MED12L: variants seen among roughly 807,000 people sequenced by gnomAD.
MED12L encodes mediator of RNA polymerase II transcription subunit 12-like protein.
A neutral mutation model predicts 281.3 loss-of-function variants in MED12L; 60 were observed. The ratio of observed to expected loss-of-function variants is 0.21; its 90% CI spans 0.17 to 0.26. The LOEUF is 0.26. Among genes scored for constraint, MED12L ranks in the 10% least tolerant of loss-of-function variants. The pLI, the probability that MED12L is intolerant of heterozygous loss-of-function variation, is 1.00. For missense variants in MED12L, 2,146 were observed against 2,680.9 expected (o/e 0.80, Z 4.41); for synonymous variants, 974 against 987.2 (o/e 0.99, Z 0.25).
chr3:151,408,111 TCATGGCACTGCCAGGTCTTGCTGGGCA>T (rs1400653945), intron 39 of MED12L, among the ~76,000 whole-genome samples: 1 of 152,194 alleles, frequency 6.6e-6, no homozygotes, highest in Non-Finnish European at 1.5e-5. Context: ...GGAGTTTAGA[TCATGGCACTGCCAGGTCTTGCTGGGCA>T]AGTTTGCTAA....
chr3:151,367,881 T>C, intron 24 of MED12L, 115 bp downstream of exon 24: 1 of 1,211,092 alleles, frequency 8.3e-7, no homozygotes, highest in Non-Finnish European at 1.2e-6. Context: ...TGGGAAGTGG[T>C]GTAGTATCAA....
intron 38 of MED12L, among the ~76,000 whole-genome samples, chr3:151,392,970 A>G (rs1560118984): frequency 6.6e-6 from 1 of 152,232 alleles, no homozygotes; most frequent in Non-Finnish European, 1.5e-5. Flanking sequence ...ATAATTCTTA[A>G]CACGTAATAT....
In MED12L at chr3:151,411,422, A is replaced by G. The variant is rs769146332; in HGVS notation, c.6055A>G (p.Arg2019Gly). ...AAHSNPVLME[R>G]LRQIQQQPSG... The stretch of plus-strand genomic sequence containing the variant: ...ACATTCCAACCCCGTGCTAATGGAA[A>G]GACTCAGACAGATTCAGCAGCAGCC... Residue 2019 changes from arginine (R) to glycine (G), a missense_variant, in exon 41 of 45, where the codon AGA becomes GGA. Transcript: ENST00000687756. 16 of 1,614,078 alleles carry G rather than the reference A, an allele frequency of 9.9e-6. No homozygotes were observed. Among genetic ancestry groups the G allele is most frequent in the Non-Finnish European group, 1.4e-5 (16 of 1,180,040 alleles).
intron 23 of MED12L, among the ~76,000 whole-genome samples, chr3:151,367,251 A>G (rs745382690): frequency 1.3e-5 from 2 of 152,224 alleles, no homozygotes; most frequent in Non-Finnish European, 2.9e-5. Context: ...TTGTTTTTCA[A>G]CTAGGGGGAG....
At chr3:151,241,174 T>TG (rs1447086016) in intron 16 of MED12L, among the ~76,000 whole-genome samples, 10 of 152,232 alleles carry the variant, frequency 6.6e-5, no homozygotes, top group Non-Finnish European at 1.0e-4. Flanking sequence ...CCTTGCCCTT[T>TG]GGCATCTGGG....
At chr3:151,352,439 G>A (rs1338810854) in intron 17 of MED12L, among the ~76,000 whole-genome samples, 2 of 152,136 alleles carry the variant, frequency 1.3e-5, no homozygotes, top group African/African-American at 2.4e-5. Context: ...GGGATGTAGT[G>A]AGCTGCTGTA....
intron 16 of MED12L, among the ~76,000 whole-genome samples, chr3:151,276,258 G>A (rs532388287): frequency 3.3e-5 from 5 of 152,350 alleles, no homozygotes; most frequent in African/African-American, 1.2e-4. Context: ...TCAATAATTT[G>A]CATGTCTGAC....
intron 16 of MED12L, among the ~76,000 whole-genome samples, chr3:151,256,152 C>T (rs1737774566): frequency 6.6e-6 from 1 of 152,146 alleles, no homozygotes; most frequent in Non-Finnish European, 1.5e-5. Context: ...GTCTTTGACC[C>T]AGCCACTGTG....
rs1377821903 is a variant in MED12L, at chr3:151,156,136, A to G, written c.557-25A>G. ...TTGTACCCATTGTGTCTAGAAACTC[A>G]TATTTTTCTTTTTTTAAAATGCAGA... On this transcript the variant is annotated intron_variant, in intron 5 of 44. Coordinates refer to ENST00000687756, the MANE Select transcript of MED12L (RefSeq NM_001393769.1). The G allele has an allele frequency of 2.5e-6, 4 of 1,569,700 alleles. No homozygotes were observed. In the African/African-American group the frequency reaches 4.1e-5, roughly 16 times the overall value.
rs1316473777 is a variant in MED12L at position 151,110,053 on chromosome 3, GCGT to G, written c.100-6281_100-6279del. On this transcript the variant is annotated intron_variant, in intron 2 of 44. Transcript: ENST00000687756. Reference sequence around the variant, plus strand: ...CAAGCTTAAATCTCTGTAAGGAAAGGCGTCGTAAGAATTTTGGTGGCTGTTACC... The same window carrying G: ...CAAGCTTAAATCTCTGTAAGGAAAGGCGTAAGAATTTTGGTGGCTGTTACC... 2.6e-5 allele frequency among the ~76,000 whole-genome samples: 4 copies of G among 152,292 alleles called. No homozygotes were observed. The East Asian group carries it at 7.7e-4, about 29-fold the overall frequency.
chr3:151,151,494 C>T (rs1052474061), intron 5 of MED12L, among the ~76,000 whole-genome samples: 12 of 149,284 alleles, frequency 8.0e-5, no homozygotes, highest in Admixed American at 1.4e-4. Context: ...GTGAGATGTG[C>T]GACTCTTCAC....
intron 2 of MED12L, among the ~76,000 whole-genome samples, chr3:151,098,929 CATG>C (rs1169824617): frequency 2.0e-5 from 3 of 152,106 alleles, no homozygotes; most frequent in Non-Finnish European, 4.4e-5. Flanking sequence ...GCCTCACAAT[CATG>C]GTGGAAGGTG....
At chr3:151,385,896 G>A (rs1713262922) in intron 36 of MED12L, among the ~76,000 whole-genome samples, 1 of 152,036 alleles carries the variant, frequency 6.6e-6, no homozygotes, top group African/African-American at 2.4e-5. Flanking sequence ...TTAATGAACA[G>A]TAAGCAACCA....
Position 151,294,471 on chromosome 3 carries a change from C to T in MED12L, c.2251-55588C>T. 3 of 1,614,188 alleles carry T rather than the reference C, an allele frequency of 1.9e-6. No individual in the cohort carries two copies. In the African/African-American group the frequency reaches 4.0e-5, roughly 22 times the overall value. ...GGTAGAAAGCAGGTAAAAAACACAG[C>T]CACAACAACCCTGATGCTCTGGTTA... On this transcript the variant is annotated intron_variant, in intron 16 of 44. Transcript: ENST00000687756.
intron 16 of MED12L, among the ~76,000 whole-genome samples, chr3:151,197,027 T>A (rs1724756063): frequency 6.6e-6 from 1 of 152,210 alleles, no homozygotes; most frequent in Non-Finnish European, 1.5e-5. Flanking sequence ...TTATCTAAAT[T>A]TTTCCAATAT....
chr3:151,380,008 C>T, intron 31 of MED12L, 105 bp from the exon 32 acceptor site: 2 of 679,972 alleles, frequency 2.9e-6, no homozygotes, highest in Non-Finnish European at 2.4e-6. Context: ...GGCTATTTAC[C>T]ACCTCTCTTA....
At chr3:151,279,122 G>A (rs1470096775) in intron 16 of MED12L, among the ~76,000 whole-genome samples, 1 of 152,140 alleles carries the variant, frequency 6.6e-6, no homozygotes, top group Non-Finnish European at 1.5e-5. Context: ...TTCAGAAGAT[G>A]GCTACAAAGT....
At chr3:151,338,853 T>C (rs1275238670) in intron 16 of MED12L, 2 of 1,612,566 alleles carry the variant, frequency 1.2e-6, no homozygotes, top group African/African-American at 2.7e-5. Flanking sequence ...CATTTCTTGT[T>C]GGTTACCTAG....
intron 5 of MED12L, among the ~76,000 whole-genome samples, chr3:151,143,513 A>G (rs1717337880): frequency 6.6e-6 from 1 of 152,192 alleles, no homozygotes; most frequent in Non-Finnish European, 1.5e-5. Context: ...AGGGTCGTGA[A>G]ATGTCTGATG....
Sources: allele counts gnomAD v4.1 joint callset (sites outside exome capture counted in the v4.1 genomes callset), GRCh38; gene constraint gnomAD v4.1.1; transcripts MANE v1.5; gene names NCBI Gene and HGNC (gene_info 2026-07-23, HGNC 2026-07-21).